UAP1L1: variants seen among roughly 807,000 people sequenced by gnomAD.
UAP1L1 encodes UDP-N-acetylhexosamine pyrophosphorylase-like protein 1.
Under a neutral mutation model 45.3 loss-of-function variants are expected in UAP1L1, and 45 were observed. The ratio of observed to expected loss-of-function variants is 0.99; its 90% CI spans 0.78 to 1.27. The LOEUF is 1.27. Among genes scored for constraint, UAP1L1 ranks in the 50% most tolerant of loss-of-function variants. UAP1L1 has a pLI of 0.00. For synonymous variants in UAP1L1, 323 were observed against 303.9 expected (o/e 1.06, Z -0.65); for missense variants, 667 against 694.0 (o/e 0.96, Z 0.44).
chr9:137,079,731 G>GCGTCACGAGACCGGGCGGGC, intron 5 of UAP1L1: 1 of 588,848 alleles, frequency 1.7e-6, no homozygotes, highest in East Asian at 2.9e-5. Context: ...CTGGTGCCCA[G>GCGTCACGAGACCGGGCGGGC]GGTGCTACCT....
intron 4 of UAP1L1, 22 bp downstream of exon 4, chr9:137,079,170 G>A (rs777311573): frequency 1.3e-6 from 2 of 1,598,924 alleles, no homozygotes; most frequent in East Asian, 2.2e-5. Context: ...ACTGCGCGGC[G>A]CCCCGCACCC....
Position 137,078,579 on chromosome 9 carries a change from C to T in UAP1L1, c.572C>T (p.Pro191Leu). 1 of 1,613,220 alleles carries T rather than the reference C, an allele frequency of 6.2e-7. No individual in the cohort carries two copies. Among genetic ancestry groups the T allele is most frequent in the Non-Finnish European group, 8.5e-7 (1 of 1,180,024 alleles). Residue 191 changes from proline to leucine, a missense_variant, in exon 3 of 9, where the codon CCC becomes CTC. By Grantham distance (98) the Pro-to-Leu change is moderately conservative (BLOSUM62 -3). Transcript: ENST00000409858. ...FREHNFFHLD[P>L]ANVVMFEQRL... ...GAGCACAACTTCTTCCACCTGGACCCCGCCAACGTGGTCATGTTTGAGCAG... is the reference window on the plus strand; with the variant it reads ...GAGCACAACTTCTTCCACCTGGACCTCGCCAACGTGGTCATGTTTGAGCAG...
Position 137,080,091 on chromosome 9 carries a change from C to T in UAP1L1, c.1127C>T (p.Pro376Leu), listed in dbSNP as rs372338320. 51 of 1,614,062 alleles carry T rather than the reference C, an allele frequency of 3.2e-5. No individual in the cohort carries two copies. Among genetic ancestry groups the T allele is most frequent in the Non-Finnish European group, 3.9e-5 (46 of 1,180,018 alleles). Residue 376 changes from proline (P) to leucine (L), a missense_variant, in exon 6 of 9, where the codon CCG (proline) becomes CTG (leucine). Coordinates refer to ENST00000409858, the MANE Select transcript of UAP1L1 (RefSeq NM_207309.3). ...GGGAATCTGGTAAAGCCGCTAAAAC[C>T]GAACGGGATAAAGATGGAGAAGTTT... is the stretch of plus-strand genomic sequence containing the variant. ...EEGNLVKPLK[P>L]NGIKMEKFVF... is the part of the protein sequence containing the mutation.
At chr9:137,080,547 A>G (rs993766505) in intron 6 of UAP1L1, 142 bp from the exon 7 acceptor site, 4 of 819,860 alleles carry the variant, frequency 4.9e-6, no homozygotes, top group African/African-American at 1.7e-5. Context: ...AAAAACACTC[A>G]GTACCTGCGG....
Position 137,082,682 on chromosome 9 carries a change from A to G in UAP1L1, c.1477A>G (p.Ile493Val). 1 of 1,552,120 alleles carries G rather than the reference A, an allele frequency of 6.4e-7. No homozygotes were observed. Among genetic ancestry groups the G allele is most frequent in the Non-Finnish European group, 8.7e-7 (1 of 1,147,516 alleles). ...AGGCCGGGAGTTCCAGTCCCCGCTC[A>G]TCCTGGATGAAGACCAGGCCAGGGA... ...LQGREFQSPL[I>V]LDEDQAREPQ... Residue 493 changes from isoleucine (I) to valine (V), a missense_variant, in exon 9 of 9, where the codon ATC (isoleucine) becomes GTC (valine). Physicochemically the swap from Ile to Val is conservative, Grantham distance 29. Transcript: ENST00000409858. The surrounding 1 kb of genome is among the most constrained non-coding windows in gnomAD (Gnocchi z 5.7).
Position 137,079,139 on chromosome 9 carries a change from T to C in UAP1L1, c.834T>C (p.Cys278=). ...IGFCVLQGAD[C]GAKVVEKAYP... ...TCTGTGTGTTGCAGGGCGCAGACTG[T>C]GGCGCCAAGGTTAGCGCCCGACTGC... Residue 278 remains cysteine, a synonymous_variant, in exon 4 of 9, where the codon TGT becomes TGC. Transcript: ENST00000409858. 1 of 1,610,462 alleles carries C rather than the reference T, an allele frequency of 6.2e-7. No homozygotes were observed. Among genetic ancestry groups the C allele is most frequent in the Non-Finnish European group, 8.5e-7 (1 of 1,179,202 alleles).
rs1286512017 is a variant in UAP1L1, at chr9:137,082,712, C to T, written c.1507C>T (p.Gln503Ter). ...GGATGAAGACCAGGCCAGGGAGCCG[C>T]AGCTGCAGGAGTCCTGACCCGCCCA... Reference protein sequence around the residue: ...ILDEDQAREPQLQES With the variant: ...ILDEDQAREP The change falls in exon 9 of 9, where the codon CAG (glutamine) becomes TAG (stop). Residue 503 changes from glutamine (Q) to a stop codon, truncating the protein, a stop_gained. Transcript: ENST00000409858. LOFTEE classifies it high-confidence loss of function. The surrounding 1 kb of genome is among the most constrained non-coding windows in gnomAD (Gnocchi z 5.7). The T allele has an allele frequency of 6.4e-7, 1 of 1,550,568 alleles. No homozygotes were observed. The highest frequency in any genetic ancestry group is 2.4e-5 in the East Asian group (1 of 40,964).
intron 3 of UAP1L1, 142 bp downstream of exon 3, chr9:137,078,819 C>G (rs1832739506): frequency 4.6e-6 from 6 of 1,306,718 alleles, no homozygotes; most frequent in Non-Finnish European, 6.2e-6. Flanking sequence ...CCTTGATCGT[C>G]ATTTGTCACA....
chr9:137,079,587 G>A, intron 5 of UAP1L1, 138 bp downstream of exon 5: 1 of 774,968 alleles, frequency 1.3e-6, no homozygotes, highest in Non-Finnish European at 2.0e-6. Flanking sequence ...CACGGCTGAT[G>A]GGTCGGGGTG....
At chr9:137,080,264 T>C in intron 6 of UAP1L1, 122 bp downstream of exon 6, 1 of 1,325,686 alleles carries the variant, frequency 7.5e-7, no homozygotes, top group African/African-American at 1.5e-5. Context: ...CGGGCAAGTC[T>C]CAGGGAGAAG....
rs532076631 is a variant in UAP1L1, at chr9:137,083,647, C to T, written c.*918C>T. 1 of 152,302 alleles carries T rather than the reference C, an allele frequency of 6.6e-6. No individual in the cohort carries two copies. The highest frequency in any genetic ancestry group is 1.5e-5 in the Non-Finnish European group (1 of 68,070). 9.4% of individuals were successfully genotyped at this position (152,302 alleles called of 1,614,324 possible). A position where few individuals can be genotyped will look rare whatever the true frequency, so the allele number is the denominator to read the frequency against. On this transcript the variant is annotated 3_prime_UTR_variant, in exon 9 of 9. Transcript: ENST00000409858. ...CTTGGTGCTCAGGCTGCCTGGCTCT[C>T]CGAGTGAGGACGCAGCCTCCATATT... is the stretch of plus-strand genomic sequence containing the variant.
intron 7 of UAP1L1, among the ~76,000 whole-genome samples, chr9:137,081,595 G>A (rs1447511751): frequency 6.6e-6 from 1 of 152,102 alleles, no homozygotes; most frequent in Non-Finnish European, 1.5e-5. Context: ...GCTTTTAGGG[G>A]ATCCATCACC....
At chr9:137,079,544 C>T in intron 5 of UAP1L1, 95 bp downstream of exon 5, 1 of 1,285,766 alleles carries the variant, frequency 7.8e-7, no homozygotes, top group Non-Finnish European at 1.1e-6. Context: ...CCCTGGGCCA[C>T]AGCGGCTGTG....
chr9:137,082,584 C>A lies in UAP1L1; in HGVS notation c.1432-53C>A. The stretch of plus-strand genomic sequence containing the variant: ...GTGGCTCTTGGTGTGGCCAGAGGGG[C>A]TGTGACCCGCCAAAAGGTGGGTACT... On this transcript the variant is annotated intron_variant, in intron 8 of 8. Transcript: ENST00000409858. The surrounding 1 kb of genome is among the most constrained non-coding windows in gnomAD (Gnocchi z 5.7). 6.9e-7 allele frequency: 1 copy of A among 1,446,050 alleles called. No homozygotes were observed. The allele number at this position is 1,446,050 out of a possible 1,614,324, so 89.6% of individuals were successfully genotyped here.
chr9:137,079,541 C>T (rs1310488526), intron 5 of UAP1L1, 92 bp downstream of exon 5: 3 of 1,292,466 alleles, frequency 2.3e-6, no homozygotes, highest in Non-Finnish European at 3.2e-6. Flanking sequence ...GTGCCCTGGG[C>T]CACAGCGGCT....
At chr9:137,079,699 C>T (rs985087496) in intron 5 of UAP1L1, 10 of 584,428 alleles carry the variant, frequency 1.7e-5, no homozygotes, top group Admixed American at 6.5e-5. Flanking sequence ...AGTCTGCCAT[C>T]TCCTCCTTCT....
chr9:137,082,605 G>C lies in UAP1L1; in HGVS notation c.1432-32G>C. On this transcript the variant is annotated intron_variant, in intron 8 of 8. Transcript: ENST00000409858. The surrounding 1 kb of genome is among the most constrained non-coding windows in gnomAD (Gnocchi z 5.7). ...GGGGCTGTGACCCGCCAAAAGGTGG[G>C]TACTTGGCCATTGTCCCCTGCTCGT... 6.5e-7 allele frequency: 1 copy of C among 1,529,174 alleles called. No individual in the cohort carries two copies. 94.7% of individuals were successfully genotyped at this position (1,529,174 alleles called of 1,614,324 possible).
At chr9:137,081,224 G>T (rs1832783205) in intron 7 of UAP1L1, among the ~76,000 whole-genome samples, 1 of 151,798 alleles carries the variant, frequency 6.6e-6, no homozygotes, top group Non-Finnish European at 1.5e-5. Flanking sequence ...TTTTGAGATG[G>T]AGTCTCGCTC....
Position 137,079,102 on chromosome 9 carries a change from T to G in UAP1L1, c.797T>G (p.Val266Gly). ...DNILVRLADP[V>G]FIGFCVLQGA... ...ATCCTGGTGCGGCTGGCGGACCCTG[T>G]CTTCATCGGCTTCTGTGTGTTGCAG... The change falls in exon 4 of 9, where the codon GTC (valine) becomes GGC (glycine). Residue 266 changes from valine to glycine, a missense_variant. By Grantham distance (109) the Val-to-Gly change is moderately radical. Coordinates refer to ENST00000409858, the MANE Select transcript of UAP1L1 (RefSeq NM_207309.3). 6.2e-7 allele frequency: 1 copy of G among 1,611,794 alleles called. No homozygotes were observed. The highest frequency in any genetic ancestry group is 1.3e-5 in the African/African-American group (1 of 74,982).
Sources: gnomAD v4.1 joint callset for allele counts (sites outside exome capture counted in the v4.1 genomes callset) on GRCh38, gnomAD v4.1.1 for gene constraint, Gnocchi (gnomAD v3.1) non-coding constraint, MANE v1.5 for transcripts, NCBI Gene and HGNC (gene_info 2026-07-23, HGNC 2026-07-21) for gene names.